Variants in MDGA2 observed in about 807,000 individuals in gnomAD.
MDGA2 encodes the protein MAM domain-containing glycosylphosphatidylinositol anchor protein 2.
MDGA2 carries 40 observed loss-of-function variants against 117.8 expected under a neutral mutation model. The ratio of observed to expected loss-of-function variants is 0.34; its 90% CI spans 0.26 to 0.44. MDGA2 has a LOEUF of 0.44. MDGA2 is among the 20% of genes least tolerant of loss of function. The pLI, the probability that MDGA2 is intolerant of heterozygous loss-of-function variation, is 1.00. For missense variants in MDGA2, 1,123 were observed against 1,250.6 expected, an observed-to-expected ratio of 0.90 and a Z score of 1.54; for synonymous variants, 452 against 439.0, an observed-to-expected ratio of 1.03 and a Z score of -0.37.
intron 1 of MDGA2, among the ~76,000 whole-genome samples, chr14:47,529,329 C>T (rs1418963146): frequency 6.6e-6 from 1 of 152,074 alleles, no homozygotes; most frequent in African/African-American, 2.4e-5. Flanking sequence ...GAGCAATTAT[C>T]ACTTTTTAAA....
At chr14:47,144,313 G>C (rs1194977316) in intron 3 of MDGA2, 39 bp from the exon 4 acceptor site, 5 of 1,470,488 alleles carry the variant, frequency 3.4e-6, no homozygotes, top group Non-Finnish European at 4.6e-6. Flanking sequence ...AATGTTATGA[G>C]ATAGATGACT....
chr14:46,907,150 T>C (rs920873332), intron 10 of MDGA2, among the ~76,000 whole-genome samples: 1 of 152,002 alleles, frequency 6.6e-6, no homozygotes, highest in Admixed American at 6.6e-5. Flanking sequence ...CTAATTTTTG[T>C]ATTTTTAGTA....
intron 5 of MDGA2, among the ~76,000 whole-genome samples, chr14:47,106,734 T>C (rs1018328515): frequency 1.7e-4 from 26 of 151,236 alleles, no homozygotes; most frequent in African/African-American, 4.6e-4. Flanking sequence ...CAGTGGAAGG[T>C]AAGCCCGTCC....
rs568673111 is a variant in MDGA2 at position 47,184,508 on chromosome 14, C to A, written c.595+33513G>T. On this transcript the variant is annotated intron_variant, in intron 3 of 16. Coordinates refer to ENST00000399232, the MANE Select transcript of MDGA2 (RefSeq NM_001113498.3). ...GCCCAGATTCATTTCTATGTTCTTT[C>A]TTTCTCTTCCCAAGTTCTTACGCTA... Among the ~76,000 whole-genome samples, 125 of 151,892 alleles carry A rather than the reference C, an allele frequency of 8.2e-4. 1 individual carries two copies. The highest frequency in any genetic ancestry group is 3.5e-3 in the South Asian group (17 of 4,826).
chr14:47,059,556 G>A (rs562903747), intron 7 of MDGA2, among the ~76,000 whole-genome samples: 2 of 152,108 alleles, frequency 1.3e-5, no homozygotes, highest in East Asian at 3.9e-4. Context: ...AATATAACTA[G>A]TATGTTTAAA....
chr14:47,255,080 G>T (rs1321441219), intron 2 of MDGA2, among the ~76,000 whole-genome samples: 4 of 152,166 alleles, frequency 2.6e-5, no homozygotes, highest in African/African-American at 9.7e-5. Flanking sequence ...TACAGTTCAA[G>T]ATGACATTTG....
At chr14:47,439,729 T>G (rs1034962599) in intron 1 of MDGA2, among the ~76,000 whole-genome samples, 1 of 151,958 alleles carries the variant, frequency 6.6e-6, no homozygotes, top group African/African-American at 2.4e-5. Context: ...GTATGTATAG[T>G]CTAAATATTA....
chr14:47,175,180 C>A (rs1236856277), intron 3 of MDGA2, among the ~76,000 whole-genome samples: 1 of 151,148 alleles, frequency 6.6e-6, no homozygotes, highest in East Asian at 1.9e-4. Context: ...CAAAAAGAGT[C>A]CAGGACCAGA....
At chr14:47,122,632 G>T (rs755246451) in intron 5 of MDGA2, among the ~76,000 whole-genome samples, 1 of 152,184 alleles carries the variant, frequency 6.6e-6, no homozygotes, top group African/African-American at 2.4e-5. Flanking sequence ...CAAATTGTCA[G>T]TAAATGATCA....
At chr14:47,529,304 T>A (rs1895044016) in intron 1 of MDGA2, among the ~76,000 whole-genome samples, 1 of 152,198 alleles carries the variant, frequency 6.6e-6, no homozygotes, top group Non-Finnish European at 1.5e-5. Context: ...TATCCTTTCT[T>A]AGAAATTCTA....
intron 1 of MDGA2, among the ~76,000 whole-genome samples, chr14:47,455,195 A>G (rs1893322822): frequency 6.6e-6 from 1 of 152,186 alleles, no homozygotes; most frequent in Non-Finnish European, 1.5e-5. Flanking sequence ...GTATGGATAT[A>G]TATTATCTAG....
At chr14:47,612,209 C>CAGATAGATAGATAGAT (rs3985115) in intron 1 of MDGA2, among the ~76,000 whole-genome samples, 92 of 145,812 alleles carry the variant, frequency 6.3e-4, no homozygotes, top group Middle Eastern at 3.6e-3. Context: ...GATAGATAGA[C>CAGATAGATAGATAGAT]AGATAGATAG....
chr14:47,070,778 G>C (rs924929196), intron 6 of MDGA2, among the ~76,000 whole-genome samples: 1 of 152,072 alleles, frequency 6.6e-6, no homozygotes, highest in Non-Finnish European at 1.5e-5. Flanking sequence ...GCTAATTTTT[G>C]TATTTTTTTG....
At chr14:47,026,003 C>T (rs546272974) in intron 8 of MDGA2, among the ~76,000 whole-genome samples, 18 of 152,196 alleles carry the variant, frequency 1.2e-4, no homozygotes, top group African/African-American at 3.9e-4. Context: ...GAATCTAAGA[C>T]CCTTGGTAGA....
chr14:46,867,484 T>C (rs1881821210), intron 14 of MDGA2, among the ~76,000 whole-genome samples: 2 of 152,074 alleles, frequency 1.3e-5, no homozygotes, highest in Admixed American at 1.3e-4. Context: ...ATGGCACATG[T>C]ATACATATGT....
chr14:47,608,734 C>T (rs1206449024), intron 1 of MDGA2, among the ~76,000 whole-genome samples: 1 of 152,084 alleles, frequency 6.6e-6, no homozygotes, highest in Non-Finnish European at 1.5e-5. Context: ...AAAAGAATCA[C>T]TCTGGCTGCT....
At chr14:47,484,674 C>T (rs77223433) in intron 1 of MDGA2, among the ~76,000 whole-genome samples, 1,710 of 152,258 alleles carry the variant, frequency 0.011, 38 homozygotes, top group African/African-American at 0.038. Flanking sequence ...TCCTATACTT[C>T]CCAGATGTTG....
chr14:47,382,509 A>G (rs1432580333), intron 1 of MDGA2, among the ~76,000 whole-genome samples: 4 of 152,210 alleles, frequency 2.6e-5, no homozygotes, highest in African/African-American at 9.7e-5. Flanking sequence ...AATTCATAAG[A>G]AAAAATCAAA....
chr14:47,171,720 C>G (rs571524470), intron 3 of MDGA2, among the ~76,000 whole-genome samples: 1 of 152,328 alleles, frequency 6.6e-6, no homozygotes, highest in Admixed American at 6.5e-5. Context: ...GTGAGCGACA[C>G]AGAAGATGGG....
Sources: gnomAD v4.1 joint callset for allele counts (sites outside exome capture counted in the v4.1 genomes callset) on GRCh38, gnomAD v4.1.1 for gene constraint, MANE v1.5 for transcripts, NCBI Gene and HGNC (gene_info 2026-07-23, HGNC 2026-07-21) for gene names.